PCGF3: variants seen among roughly 807,000 people sequenced by gnomAD.
PCGF3 encodes the protein polycomb group RING finger protein 3.
In PCGF3, 7 loss-of-function variants were observed where a neutral mutation model predicts 33.1. The observed-to-expected ratio is 0.21, with a 90% CI of 0.12 to 0.40. PCGF3 has a LOEUF of 0.40. Ranked by LOEUF, PCGF3 falls within the 10% of genes least tolerant of loss-of-function variation. PCGF3 has a pLI of 1.00. For missense variants in PCGF3, 211 were observed against 313.3 expected (o/e 0.67, Z 2.46); for synonymous variants, 153 against 121.3 (o/e 1.26, Z -1.72).
chr4:730,729 C>T, intron 2 of PCGF3, 61 bp downstream of exon 2: 1 of 309,184 alleles, frequency 3.2e-6, no homozygotes, highest in Non-Finnish European at 5.9e-6. Flanking sequence ...CGGACTCCGC[C>T]GGGACCACGC....
In PCGF3 at chr4:721,263, G is replaced by T. The variant is rs1391564087; in HGVS notation, c.-189-9367G>T. Among the ~76,000 whole-genome samples, 1 of 152,202 alleles carries T rather than the reference G, an allele frequency of 6.6e-6. No homozygotes were observed. The highest frequency in any genetic ancestry group is 1.5e-5 in the Non-Finnish European group (1 of 68,016). ...GACACGCCTGCAGCTTTGTGCCTGT[G>T]AATCTCAGGAGCTGTTTTCTGGAAA... On this transcript the variant is annotated intron_variant, in intron 1 of 10. Transcript: ENST00000362003. The surrounding 1 kb of genome is among the most constrained non-coding windows in gnomAD (Gnocchi z 4.1).
chr4:716,183 A>G (rs76646919), intron 1 of PCGF3, among the ~76,000 whole-genome samples: 3,970 of 36,948 alleles, frequency 0.11, 715 homozygotes, highest in Middle Eastern at 0.14. Context: ...TCGGTGCTGG[A>G]ACCCTGTAGA....
chr4:717,037 G>A (rs1285932309), intron 1 of PCGF3, among the ~76,000 whole-genome samples: 6 of 143,828 alleles, frequency 4.2e-5, no homozygotes, highest in South Asian at 2.4e-4. Flanking sequence ...TAGACACTGA[G>A]GGTGAGAACT....
chr4:730,308 G>A (rs372587652), intron 1 of PCGF3, among the ~76,000 whole-genome samples: 5 of 152,120 alleles, frequency 3.3e-5, no homozygotes, highest in African/African-American at 1.2e-4. Context: ...CTCCTCTGGG[G>A]GGCTCCACAG....
At chr4:763,854 C>T (rs967745081) in intron 9 of PCGF3, among the ~76,000 whole-genome samples, 10 of 152,220 alleles carry the variant, frequency 6.6e-5, no homozygotes, top group Admixed American at 5.2e-4. Context: ...TGCATCCATA[C>T]TGGACTATTA....
At chr4:744,722 TGTTCGCCGTG>T in intron 8 of PCGF3, 34 bp downstream of exon 8, 3 of 967,364 alleles carry the variant, frequency 3.1e-6, no homozygotes, top group African/African-American at 1.7e-5. Flanking sequence ...GCAGTGTTAG[TGTTCGCCGTG>T]GAGGCGTGAG....
chr4:717,431 G>C (rs909029782), intron 1 of PCGF3, among the ~76,000 whole-genome samples: 1 of 152,172 alleles, frequency 6.6e-6, no homozygotes, highest in Non-Finnish European at 1.5e-5. Flanking sequence ...TCAGACTGGA[G>C]TGCAGTGGCA....
chr4:749,476 C>CTTTTTT (rs71640348), intron 8 of PCGF3, among the ~76,000 whole-genome samples: 2,071 of 75,414 alleles, frequency 0.027, 167 homozygotes, highest in Middle Eastern at 0.054. Flanking sequence ...ATTTTCTTTC[C>CTTTTTT]TTTTTTTTTT....
At position 737,635 on chromosome 4, in the gene PCGF3, A is replaced by C. The variant is rs572432809; in HGVS notation, c.262+114A>C. On this transcript the variant is annotated intron_variant, in intron 6 of 10. Transcript: ENST00000362003. The stretch of plus-strand genomic sequence containing the variant: ...AGGCCCCTTTCCTTTTGGCCGAATC[A>C]CCGTCTTCTCATCCCTGCTCTCAGC... The C allele has an allele frequency of 8.5e-6, 6 of 706,860 alleles. No individual in the cohort carries two copies. The South Asian group carries it at 9.4e-5, about 11-fold the overall frequency. The allele number at this position is 706,860 out of a possible 1,614,324, so 43.8% of individuals were successfully genotyped here. A position where few individuals can be genotyped will look rare whatever the true frequency, so the allele number is the denominator to read the frequency against.
intron 1 of PCGF3, among the ~76,000 whole-genome samples, chr4:710,030 CTTTTAGAGGTGTG>C (rs893132736): frequency 2.7e-4 from 41 of 152,260 alleles, no homozygotes; most frequent in African/African-American, 7.5e-4. Context: ...GGTTCCCAGG[CTTTTAGAGGTGTG>C]TTTTAGAGGT....
intron 1 of PCGF3, among the ~76,000 whole-genome samples, chr4:715,873 G>C (rs1302102390): frequency 8.4e-6 from 1 of 119,056 alleles, no homozygotes; most frequent in African/African-American, 2.9e-5. Flanking sequence ...CTGGGTGTCG[G>C]TGCTGGGACC....
At chr4:767,569 G>A (rs930807126) in exon 11 of PCGF3, 6 of 152,050 alleles carry the variant, frequency 3.9e-5, no homozygotes, top group African/African-American at 1.4e-4. Flanking sequence ...GAATTTCGCT[G>A]TTTTCTTCTG....
chr4:740,770 G>A (rs540211328), intron 6 of PCGF3, among the ~76,000 whole-genome samples: 2 of 152,294 alleles, frequency 1.3e-5, no homozygotes, highest in South Asian at 4.1e-4. Context: ...ATTTCATGGT[G>A]CGTAGCCTGG....
intron 9 of PCGF3, 59 bp from the exon 10 acceptor site, chr4:764,925 G>A (rs764011417): frequency 7.9e-6 from 9 of 1,135,388 alleles, no homozygotes; most frequent in South Asian, 1.3e-5. Context: ...CATCAAGGTG[G>A]CCATGTCAGT....
At chr4:731,096 G>C (rs531242383) in exon 3 of PCGF3, 1 of 398,470 alleles carries the variant, frequency 2.5e-6, no homozygotes, top group Admixed American at 4.4e-5. Flanking sequence ...ACGGACACGC[G>C]GACGTCTAGC....
intron 6 of PCGF3, among the ~76,000 whole-genome samples, chr4:741,097 A>G (rs1168060903): frequency 6.6e-6 from 1 of 152,266 alleles, no homozygotes; most frequent in Non-Finnish European, 1.5e-5. Context: ...TGCTGAGAGC[A>G]AACAGCCGAC....
intron 1 of PCGF3, among the ~76,000 whole-genome samples, chr4:711,453 TC>T (rs1476930214): frequency 0.042 from 3,819 of 90,774 alleles, 194 homozygotes; most frequent in East Asian, 0.099. Context: ...CTTTTTTTTT[TC>T]TTTTTTTTTT....
chr4:757,777 T>G (rs1577440476), intron 8 of PCGF3: 1 of 152,226 alleles, frequency 6.6e-6, no homozygotes, highest in African/African-American at 2.4e-5. Flanking sequence ...TTAGTAACTT[T>G]CTTTAATCTC....
In PCGF3 at chr4:758,165, CAAAAAAA is replaced by C. The variant is rs61081270; in HGVS notation, c.463-3093_463-3087del. ...CTGGCTACAGAGGGAGACTCTGTCT[CAAAAAAA>C]AAAAAAAAAAAAAAAAAAAAGTCCA... On this transcript the variant is annotated intron_variant, in intron 8 of 10. Coordinates refer to ENST00000362003, the Ensembl canonical transcript of PCGF3. Among the ~76,000 whole-genome samples, 93 of 54,900 alleles carry C rather than the reference CAAAAAAA, an allele frequency of 1.7e-3. 1 individual carries two copies. Among genetic ancestry groups the C allele is most frequent in the African/African-American group, 3.4e-3 (44 of 13,062 alleles). The allele number at this position is 54,900 out of a possible 152,430, so 36.0% of individuals were successfully genotyped here. A position where few individuals can be genotyped will look rare whatever the true frequency, so the allele number is the denominator to read the frequency against.
Sources: allele counts gnomAD v4.1 joint callset (sites outside exome capture counted in the v4.1 genomes callset), GRCh38; gene constraint gnomAD v4.1.1; non-coding constraint Gnocchi (gnomAD v3.1); transcripts MANE v1.5; gene names NCBI Gene and HGNC (gene_info 2026-07-23, HGNC 2026-07-21).